Variants in TSPO observed in about 807,000 individuals in gnomAD.
TSPO encodes benzodiazepine peripheral binding site.
Under a neutral mutation model 13.9 loss-of-function variants are expected in TSPO, and 14 were observed. That is an observed-to-expected ratio of 1.01 (90% confidence interval 0.67 to 1.58). The LOEUF (loss-of-function observed/expected upper bound fraction) is 1.58. TSPO is among the 40% of genes most tolerant of loss of function. The pLI is 0.00. For synonymous variants in TSPO, 114 were observed against 105.9 expected, an observed-to-expected ratio of 1.08 and a Z score of -0.47; for missense variants, 232 against 229.6, an observed-to-expected ratio of 1.01 and a Z score of -0.07.
intron 1 of TSPO, among the ~76,000 whole-genome samples, chr22:43,154,456 T>G (rs1931189433): frequency 6.6e-6 from 1 of 152,110 alleles, no homozygotes; most frequent in Non-Finnish European, 1.5e-5. Context: ...CCTCTCGGGT[T>G]CAAGCAATTC....
At chr22:43,162,687 T>G (rs2147059899) in intron 3 of TSPO, 116 bp from the exon 4 acceptor site, 3 of 1,036,406 alleles carry the variant, frequency 2.9e-6, no homozygotes, top group South Asian at 1.7e-5. Flanking sequence ...AAGGGTGGAG[T>G]GGGGGTGAGT....
In TSPO at chr22:43,154,419, C is replaced by T. The variant is rs532205584; in HGVS notation, c.-30+2815C>T. ...TGTTGCCCAGGCTGGAGTGCAGTGG[C>T]GTAATCTTGGCTCACTGCAACCTCC... On this transcript the variant is annotated intron_variant, in intron 1 of 3. Transcript: ENST00000337554. Among the ~76,000 whole-genome samples, 4 of 151,946 alleles carry T rather than the reference C, an allele frequency of 2.6e-5. No homozygotes were observed. The South Asian group carries it at 6.2e-4, about 24-fold the overall frequency.
intron 1 of TSPO, among the ~76,000 whole-genome samples, chr22:43,157,750 T>G (rs1931299011): frequency 6.6e-6 from 1 of 152,028 alleles, no homozygotes; most frequent in Admixed American, 6.6e-5. Context: ...GACGGGAGAA[T>G]CCCCTGAACC....
Position 43,161,086 on chromosome 22 carries a change from G to A in TSPO, c.217G>A (p.Gly73Ser). Residue 73 changes from glycine (G) to serine (S), a missense_variant, in exon 3 of 4, where the codon GGC becomes AGC. By Grantham distance (56) the Gly-to-Ser change is moderately conservative. Coordinates refer to ENST00000337554, the MANE Select transcript of TSPO (RefSeq NM_000714.6). ...GSYLVWKELGGFTEKAVVPLG... is the reference protein window; with the variant it reads ...GSYLVWKELGSFTEKAVVPLG... ...CTACCTGGTCTGGAAAGAGCTGGGAGGCTTCACAGAGAAGGCTGTGGTTCC... is the reference window on the plus strand; with the variant it reads ...CTACCTGGTCTGGAAAGAGCTGGGAAGCTTCACAGAGAAGGCTGTGGTTCC... 1 of 1,614,176 alleles carries A rather than the reference G, an allele frequency of 6.2e-7. No individual in the cohort carries two copies.
At chr22:43,152,551 G>A (rs1025157737) in intron 1 of TSPO, among the ~76,000 whole-genome samples, 2 of 152,274 alleles carry the variant, frequency 1.3e-5, no homozygotes, top group African/African-American at 4.8e-5. Flanking sequence ...GGTGGGGCCC[G>A]GGACAGGGCA....
chr22:43,155,056 C>T (rs1931207821), intron 1 of TSPO, among the ~76,000 whole-genome samples: 1 of 151,914 alleles, frequency 6.6e-6, no homozygotes, highest in African/African-American at 2.4e-5. Flanking sequence ...CGGGCGGTGA[C>T]ACAACTCCTG....
intron 1 of TSPO, among the ~76,000 whole-genome samples, chr22:43,153,722 T>G (rs1194642182): frequency 6.6e-6 from 1 of 151,690 alleles, no homozygotes; most frequent in African/African-American, 2.4e-5. Flanking sequence ...ACGGTAGTCT[T>G]TTTTATTTTT....
At chr22:43,158,314 G>A (rs956512717) in intron 1 of TSPO, among the ~76,000 whole-genome samples, 4 of 152,156 alleles carry the variant, frequency 2.6e-5, no homozygotes, top group African/African-American at 9.7e-5. Flanking sequence ...GCCCACTCAG[G>A]GCCTCCCCAG....
chr22:43,153,995 G>A (rs568004127), intron 1 of TSPO, among the ~76,000 whole-genome samples: 2 of 152,074 alleles, frequency 1.3e-5, no homozygotes, highest in Admixed American at 6.5e-5. Context: ...TTTAACCCCC[G>A]AACCTCGAAG....
intron 1 of TSPO, among the ~76,000 whole-genome samples, chr22:43,156,504 C>A (rs1325707355): frequency 6.6e-6 from 1 of 150,418 alleles, no homozygotes; most frequent in Non-Finnish European, 1.5e-5. Flanking sequence ...ATGGGCAAGT[C>A]CCCAGAGAGA....
intron 3 of TSPO, 117 bp downstream of exon 3, chr22:43,161,307 C>T (rs1718791972): frequency 7.1e-7 from 1 of 1,406,626 alleles, no homozygotes; most frequent in African/African-American, 1.4e-5. Flanking sequence ...GACAAAAGGC[C>T]ATGTCTCTCT....
At chr22:43,161,318 A>G in intron 3 of TSPO, 128 bp downstream of exon 3, 4 of 1,330,788 alleles carry the variant, frequency 3.0e-6, no homozygotes, top group Non-Finnish European at 4.0e-6. Flanking sequence ...ATGTCTCTCT[A>G]GCTGTAAGCA....
At chr22:43,161,221 C>A in intron 3 of TSPO, 31 bp downstream of exon 3, 4 of 1,595,272 alleles carry the variant, frequency 2.5e-6, no homozygotes, top group Non-Finnish European at 2.6e-6. Flanking sequence ...TGTCCCTGAT[C>A]CCTGGATCCG....
chr22:43,156,160 C>T (rs895974881), intron 1 of TSPO, among the ~76,000 whole-genome samples: 2 of 152,156 alleles, frequency 1.3e-5, no homozygotes, highest in Non-Finnish European at 2.9e-5. Context: ...GGAGTGTGAG[C>T]ACGGGACTCA....
chr22:43,162,741 C>A, intron 3 of TSPO, 62 bp from the exon 4 acceptor site: 1 of 1,445,570 alleles, frequency 6.9e-7, no homozygotes, highest in Non-Finnish European at 9.2e-7. Flanking sequence ...GGCAGTGGGA[C>A]AGGCACTTGG....
Position 43,162,852 on chromosome 22 carries a change from T to G in TSPO, c.371T>G (p.Val124Gly). The G allele has an allele frequency of 6.3e-7, 1 of 1,585,262 alleles. No homozygotes were observed. ...LVSGAAAATT[V>G]AWYQVSPLAA... ...AGTGGGGCGGCGGCAGCCACTACCGTGGCCTGGTACCAGGTGAGCCCGCTG... is the reference window on the plus strand; with the variant it reads ...AGTGGGGCGGCGGCAGCCACTACCGGGGCCTGGTACCAGGTGAGCCCGCTG... The change falls in exon 4 of 4, where the codon GTG becomes GGG. Residue 124 changes from valine (V) to glycine (G), a missense_variant. Val to Gly is a moderately radical substitution (Grantham distance 109). Transcript: ENST00000337554.
Position 43,159,220 on chromosome 22 carries a change from AACAGCAGCTGCAGCAGCCATGGCCCC to A in TSPO, c.-18_8del, listed in dbSNP as rs1307897454. The A allele has an allele frequency of 6.5e-7, 1 of 1,530,080 alleles. No homozygotes were observed. The allele number at this position is 1,530,080 out of a possible 1,614,324, so 94.8% of individuals were successfully genotyped here. A position where few individuals can be genotyped will look rare whatever the true frequency, so the allele number is the denominator to read the frequency against. On this transcript the variant is annotated start_lost and 5_prime_UTR_variant, in exon 2 of 4. Coordinates refer to ENST00000337554, the MANE Select transcript of TSPO (RefSeq NM_000714.6). ...TGTCTTCTCTTTCAGAGCTCCCCTG[AACAGCAGCTGCAGCAGCCATGGCCCC>A]GCCCTGGGTGCCCGCCATGGGCTTC...
At position 43,163,034 on chromosome 22, in the gene TSPO, ATCACGCTTGTGATGTGGTGGCCG is replaced by A. The variant is rs1371241051; in HGVS notation, c.*52_*74del. The A allele has an allele frequency of 6.4e-7, 1 of 1,572,696 alleles. No individual in the cohort carries two copies. ...GACTGCAGCTGCACCAGCAGGTGCC[ATCACGCTTGTGATGTGGTGGCCG>A]TCACGCTTTCATGACCACTGGGCCT... On this transcript the variant is annotated 3_prime_UTR_variant, in exon 4 of 4. Coordinates refer to ENST00000337554, the MANE Select transcript of TSPO (RefSeq NM_000714.6).
Position 43,162,832 on chromosome 22 carries a change from G to T in TSPO, c.351G>T (p.Gly117=). 1 of 1,585,226 alleles carries T rather than the reference G, an allele frequency of 6.3e-7. No individual in the cohort carries two copies. The highest frequency in any genetic ancestry group is 2.3e-5 in the East Asian group (1 of 43,714). The change falls in exon 4 of 4, where the codon GGG becomes GGT. Residue 117 remains glycine, a synonymous_variant. Transcript: ENST00000337554. ...TGGTGGATCTCCTGCTGGTCAGTGGGGCGGCGGCAGCCACTACCGTGGCCT... is the reference window on the plus strand; with the variant it reads ...TGGTGGATCTCCTGCTGGTCAGTGGTGCGGCGGCAGCCACTACCGTGGCCT... ...WALVDLLLVS[G]AAAATTVAWY...
Sources: gnomAD v4.1 joint callset for allele counts (sites outside exome capture counted in the v4.1 genomes callset) on GRCh38, gnomAD v4.1.1 for gene constraint, MANE v1.5 for transcripts, NCBI Gene and HGNC (gene_info 2026-07-23, HGNC 2026-07-21) for gene names.